The following EYS variants were observed in gnomAD, a reference collection of about 807,000 sequenced individuals.
EYS encodes EGF-like photoreceptor maintenance factor, also known as protein eyes shut homolog.
A neutral mutation model predicts 282.1 loss-of-function variants in EYS; 250 were observed. The observed-to-expected ratio is 0.89, with a 90% CI of 0.80 to 0.98. The LOEUF (loss-of-function observed/expected upper bound fraction) is 0.98. EYS is among the 50% of genes least tolerant of loss of function. The pLI is 0.00. For synonymous variants in EYS, 1,355 were observed against 1,282.9 expected (o/e 1.06, Z -1.20); for missense variants, 4,016 against 3,709.0 (o/e 1.08, Z -2.15).
chr6:65,006,297 G>T (rs1441068696), intron 13 of EYS, among the ~76,000 whole-genome samples: 1 of 151,756 alleles, frequency 6.6e-6, no homozygotes, highest in African/African-American at 2.4e-5. Flanking sequence ...TAAAAGCCAG[G>T]GTAAATTTAA....
intron 22 of EYS, among the ~76,000 whole-genome samples, chr6:64,799,648 T>C (rs964220342): frequency 6.7e-6 from 1 of 149,956 alleles, no homozygotes; most frequent in African/African-American, 2.4e-5. Flanking sequence ...GAATATATGA[T>C]ATATATTATA....
chr6:64,304,096 A>G (rs927139381), intron 30 of EYS, among the ~76,000 whole-genome samples: 4 of 152,124 alleles, frequency 2.6e-5, no homozygotes, highest in African/African-American at 9.7e-5. Context: ...TTGTCATTTA[A>G]TCTGCACTAA....
At chr6:64,116,610 AC>A (rs1230376917) in intron 31 of EYS, among the ~76,000 whole-genome samples, 6 of 152,296 alleles carry the variant, frequency 3.9e-5, no homozygotes, top group African/African-American at 1.2e-4. Context: ...TAAGAAGAAA[AC>A]ACTCAAATAT....
At chr6:65,527,789 TA>T (rs1376188117) in intron 2 of EYS, among the ~76,000 whole-genome samples, 4 of 152,200 alleles carry the variant, frequency 2.6e-5, no homozygotes, top group African/African-American at 4.8e-5. Flanking sequence ...ATAAACTGTG[TA>T]GATATGGGTT....
chr6:65,443,723 CA>C (rs1768534414), intron 5 of EYS, among the ~76,000 whole-genome samples: 5 of 54,600 alleles, frequency 9.2e-5, no homozygotes, highest in African/African-American at 2.6e-4. Flanking sequence ...CACATATATA[CA>C]CATACGTGCA....
intron 30 of EYS, among the ~76,000 whole-genome samples, chr6:64,255,145 T>C (rs933692155): frequency 6.6e-6 from 1 of 152,074 alleles, no homozygotes; most frequent in Non-Finnish European, 1.5e-5. Context: ...TTGTTGACCA[T>C]GATAATTGCA....
chr6:63,892,008 A>G (rs979451472), intron 35 of EYS, among the ~76,000 whole-genome samples: 3 of 152,198 alleles, frequency 2.0e-5, no homozygotes, highest in Non-Finnish European at 2.9e-5. Context: ...AATTCCTATC[A>G]ATACAACTTA....
intron 15 of EYS, among the ~76,000 whole-genome samples, chr6:64,937,927 A>T (rs2150091104): frequency 6.6e-6 from 1 of 151,810 alleles, no homozygotes; most frequent in African/African-American, 2.4e-5. Flanking sequence ...TTTATGATGT[A>T]ATGTTATCTG....
intron 2 of EYS, among the ~76,000 whole-genome samples, chr6:65,533,438 T>C (rs1767854786): frequency 2.0e-5 from 3 of 152,126 alleles, no homozygotes; most frequent in Non-Finnish European, 4.4e-5. Flanking sequence ...CTTCTGAAAC[T>C]ACCCCAATCA....
chr6:65,652,604 A>G (rs931437481), intron 1 of EYS, among the ~76,000 whole-genome samples: 10 of 151,966 alleles, frequency 6.6e-5, no homozygotes, highest in African/African-American at 2.2e-4. Context: ...AAAATTAATA[A>G]GCTTGAATAA....
At chr6:63,937,304 A>G (rs1765086796) in intron 35 of EYS, among the ~76,000 whole-genome samples, 2 of 133,670 alleles carry the variant, frequency 1.5e-5, no homozygotes. Context: ...AAGTGATATC[A>G]GACACTGTCA....
intron 13 of EYS, among the ~76,000 whole-genome samples, chr6:65,011,295 C>A (rs1165942371): frequency 3.3e-5 from 5 of 152,134 alleles, no homozygotes; most frequent in African/African-American, 1.2e-4. Context: ...ATAGTCAGGG[C>A]CTGTGAGGTG....
chr6:64,651,710 A>T (rs1411915904), intron 22 of EYS, among the ~76,000 whole-genome samples: 2 of 152,218 alleles, frequency 1.3e-5, no homozygotes, highest in Non-Finnish European at 2.9e-5. Context: ...TTCATAAAAT[A>T]CATATCAGAG....
intron 31 of EYS, among the ~76,000 whole-genome samples, chr6:64,189,550 A>G (rs561622103): frequency 6.6e-6 from 1 of 152,296 alleles, no homozygotes; most frequent in Admixed American, 6.5e-5. Context: ...ATCAAACACC[A>G]ACCTAGGTGT....
At chr6:65,572,911 T>C (rs1764529381) in intron 2 of EYS, among the ~76,000 whole-genome samples, 1 of 152,160 alleles carries the variant, frequency 6.6e-6, no homozygotes, top group Non-Finnish European at 1.5e-5. Flanking sequence ...AAACTACATT[T>C]TTCTCCAGGC....
intron 31 of EYS, among the ~76,000 whole-genome samples, chr6:64,161,770 A>T (rs1775114996): frequency 6.6e-6 from 1 of 152,180 alleles, no homozygotes; most frequent in African/African-American, 2.4e-5. Context: ...CAAACCAATA[A>T]GAAGGGACTC....
chr6:65,681,645 G>A (rs1261324488), intron 1 of EYS, among the ~76,000 whole-genome samples: 1 of 151,900 alleles, frequency 6.6e-6, no homozygotes, highest in African/African-American at 2.4e-5. Context: ...AGAGACAAAA[G>A]ACCTTATTAC....
At chr6:64,336,016 T>C (rs1344749456) in intron 29 of EYS, among the ~76,000 whole-genome samples, 1 of 151,788 alleles carries the variant, frequency 6.6e-6, no homozygotes, top group African/African-American at 2.4e-5. Flanking sequence ...CACATCAAAA[T>C]AGAAATTCTT....
chr6:64,401,751 T>C (rs1202047417), intron 28 of EYS, among the ~76,000 whole-genome samples: 3 of 152,112 alleles, frequency 2.0e-5, no homozygotes, highest in African/African-American at 7.2e-5. Context: ...GGGAGACTTA[T>C]TCAATTCTCA....
Sources: allele counts gnomAD v4.1 joint callset (sites outside exome capture counted in the v4.1 genomes callset), GRCh38; gene constraint gnomAD v4.1.1; transcripts MANE v1.5; gene names NCBI Gene and HGNC (gene_info 2026-07-23, HGNC 2026-07-21).